HSPA12A: variants seen among roughly 807,000 people sequenced by gnomAD.
HSPA12A encodes heat shock protein family A (Hsp70) member 12A, also known as heat shock 70 kDa protein 12A.
Under a neutral mutation model 69.2 loss-of-function variants are expected in HSPA12A, and 28 were observed. That is an observed-to-expected ratio of 0.40 (90% confidence interval 0.30 to 0.55). The LOEUF is 0.55. HSPA12A is among the 20% of genes least tolerant of loss of function. HSPA12A has a pLI of 0.38. For missense variants in HSPA12A, 686 were observed against 900.7 expected, an observed-to-expected ratio of 0.76 and a Z score of 3.05; for synonymous variants, 345 against 370.5, an observed-to-expected ratio of 0.93 and a Z score of 0.79.
intron 6 of HSPA12A, among the ~76,000 whole-genome samples, chr10:116,687,285 G>A (rs2132926634): frequency 6.6e-6 from 1 of 152,306 alleles, no homozygotes; most frequent in Admixed American, 6.5e-5. Context: ...GAGGATGCAG[G>A]TGGGAAGCGA....
intron 2 of HSPA12A, among the ~76,000 whole-genome samples, chr10:116,758,535 A>G (rs1357829041): frequency 6.6e-6 from 1 of 152,160 alleles, no homozygotes; most frequent in Non-Finnish European, 1.5e-5. Context: ...TCCATGATAC[A>G]GGGAAGTCAT....
At chr10:116,706,787 G>A (rs1239186321) in intron 2 of HSPA12A, among the ~76,000 whole-genome samples, 1 of 152,136 alleles carries the variant, frequency 6.6e-6, no homozygotes, top group Non-Finnish European at 1.5e-5. Context: ...GGGTCTTTTC[G>A]ATACTGCAGA....
intron 2 of HSPA12A, among the ~76,000 whole-genome samples, chr10:116,783,079 G>A (rs531612612): frequency 9.8e-5 from 15 of 152,322 alleles, no homozygotes; most frequent in African/African-American, 3.4e-4. Flanking sequence ...CACAGGCAAT[G>A]TGTTAAACAG....
chr10:116,744,733 C>A (rs1554887691), upstream of HSPA12A, among the ~76,000 whole-genome samples: 1 of 152,254 alleles, frequency 6.6e-6, no homozygotes, highest in Non-Finnish European at 1.5e-5. Flanking sequence ...GTTGTGGTCT[C>A]ACCTAGTTCT....
chr10:116,792,012 C>T (rs1257352087), intron 2 of HSPA12A, among the ~76,000 whole-genome samples: 1 of 152,038 alleles, frequency 6.6e-6, no homozygotes, highest in African/African-American at 2.4e-5. Context: ...GTTAACCCAA[C>T]AGATCAGAAT....
At chr10:116,753,007 A>C (rs1217481259) in intron 2 of HSPA12A, among the ~76,000 whole-genome samples, 1 of 152,246 alleles carries the variant, frequency 6.6e-6, no homozygotes, top group East Asian at 1.9e-4. Context: ...GAATTTTCTC[A>C]GAAAGTCTGT....
intron 1 of HSPA12A, among the ~76,000 whole-genome samples, chr10:116,848,935 G>A (rs1311292478): frequency 6.6e-6 from 1 of 152,086 alleles, no homozygotes; most frequent in Admixed American, 6.6e-5. Context: ...TTCTCTCCTG[G>A]ACATCATAGC....
chr10:116,807,971 C>G lies in HSPA12A; in HGVS notation c.91+26964G>C, dbSNP rs1258556143. The stretch of plus-strand genomic sequence containing the variant: ...GTCAGCACTGCTGGGCAAGTGTGTC[C>G]TGCCTGCTACAGTCTAACAGGCTTT... On this transcript the variant is annotated intron_variant, in intron 2 of 12. Transcript: ENST00000635765. Among the ~76,000 whole-genome samples the G allele has an allele frequency of 3.9e-5, 6 of 152,226 alleles. No individual in the cohort carries two copies. In the East Asian group the frequency reaches 9.6e-4, roughly 24 times the overall value.
intron 2 of HSPA12A, among the ~76,000 whole-genome samples, chr10:116,821,155 C>T (rs929543627): frequency 6.6e-6 from 1 of 152,178 alleles, no homozygotes; most frequent in South Asian, 2.1e-4. Context: ...TGGGATCTTT[C>T]AAAAATATAA....
At chr10:116,695,482 G>A (rs1388458377) in intron 5 of HSPA12A, among the ~76,000 whole-genome samples, 1 of 151,950 alleles carries the variant, frequency 6.6e-6, no homozygotes, top group Non-Finnish European at 1.5e-5. Flanking sequence ...AGGAGTTCGA[G>A]ACCATCCTGG....
chr10:116,689,680 G>T (rs1849680212), intron 6 of HSPA12A, among the ~76,000 whole-genome samples: 1 of 152,074 alleles, frequency 6.6e-6, no homozygotes, highest in African/African-American at 2.4e-5. Context: ...AGTTATAGAG[G>T]CTGAGAAGTT....
chr10:116,825,160 C>A (rs1371642091), intron 2 of HSPA12A, among the ~76,000 whole-genome samples: 1 of 148,162 alleles, frequency 6.7e-6, no homozygotes, highest in Non-Finnish European at 1.5e-5. Context: ...CTACTCTAGT[C>A]TGGGTGGCAG....
At chr10:116,763,508 G>A (rs1254849970) in intron 2 of HSPA12A, among the ~76,000 whole-genome samples, 9 of 152,136 alleles carry the variant, frequency 5.9e-5, no homozygotes, top group South Asian at 2.1e-4. Context: ...TGTATAGTGC[G>A]ATATGATCCA....
At chr10:116,848,683 G>C (rs905430686) in intron 1 of HSPA12A, among the ~76,000 whole-genome samples, 3 of 152,162 alleles carry the variant, frequency 2.0e-5, no homozygotes, top group Non-Finnish European at 4.4e-5. Flanking sequence ...AGCCAGGAAG[G>C]CACTTCGGAT....
chr10:116,740,038 T>C (rs1851433309), intron 1 of HSPA12A, among the ~76,000 whole-genome samples: 1 of 152,220 alleles, frequency 6.6e-6, no homozygotes, highest in South Asian at 2.1e-4. Context: ...CACCCATCCT[T>C]TTGTACCAAA....
chr10:116,732,066 C>G (rs1227212988), intron 1 of HSPA12A, among the ~76,000 whole-genome samples: 1 of 151,978 alleles, frequency 6.6e-6, no homozygotes, highest in Non-Finnish European at 1.5e-5. Context: ...GGTGGTGGCT[C>G]ATGCCTGTAA....
chr10:116,695,684 C>T (rs376368523), intron 5 of HSPA12A, among the ~76,000 whole-genome samples: 2 of 151,946 alleles, frequency 1.3e-5, no homozygotes, highest in African/African-American at 2.4e-5. Context: ...GGCATGGTGG[C>T]GGGCGCCTGT....
intron 5 of HSPA12A, among the ~76,000 whole-genome samples, chr10:116,693,055 A>G (rs1849780037): frequency 6.6e-6 from 1 of 152,124 alleles, no homozygotes; most frequent in African/African-American, 2.4e-5. Context: ...TTAGACCCAA[A>G]GCCTAGTCTA....
At chr10:116,683,183 C>G (rs1849472092) in intron 7 of HSPA12A, among the ~76,000 whole-genome samples, 1 of 152,022 alleles carries the variant, frequency 6.6e-6, no homozygotes, top group Non-Finnish European at 1.5e-5. Flanking sequence ...CCCACAGAGC[C>G]CTGGATACCA....
Sources: allele counts gnomAD v4.1 joint callset (sites outside exome capture counted in the v4.1 genomes callset), GRCh38; gene constraint gnomAD v4.1.1; transcripts MANE v1.5; gene names NCBI Gene and HGNC (gene_info 2026-07-23, HGNC 2026-07-21).